Variants in CRISP1 observed in about 807,000 individuals in gnomAD.
CRISP1 encodes cysteine rich secretory protein 1, also known as cysteine-rich secretory protein 1.
A neutral mutation model predicts 33.1 loss-of-function variants in CRISP1; 44 were observed. That is an observed-to-expected ratio of 1.33 (90% confidence interval 1.05 to 1.71). CRISP1 has a LOEUF of 1.71. Ranked by LOEUF, CRISP1 falls within the 40% of genes most tolerant of loss-of-function variation. The pLI is 0.00. For synonymous variants in CRISP1, 103 were observed against 98.7 expected, an observed-to-expected ratio of 1.04 and a Z score of -0.26; for missense variants, 390 against 301.2, an observed-to-expected ratio of 1.29 and a Z score of -2.18.
intron 2 of CRISP1, among the ~76,000 whole-genome samples, chr6:49,854,991 G>T (rs575243537): frequency 6.6e-6 from 1 of 152,218 alleles, no homozygotes; most frequent in East Asian, 1.9e-4. Context: ...TCCCTGACAA[G>T]CTCAATTTGC....
At chr6:49,848,460 A>G (rs537769831) in intron 3 of CRISP1, among the ~76,000 whole-genome samples, 161 bp from the exon 4 acceptor site, 1 of 152,310 alleles carries the variant, frequency 6.6e-6, no homozygotes, top group African/African-American at 2.4e-5. Flanking sequence ...AAAGAGAAAG[A>G]CAACAATTTC....
At chr6:49,855,687 T>C (rs1453912872) in intron 2 of CRISP1, among the ~76,000 whole-genome samples, 1 of 152,174 alleles carries the variant, frequency 6.6e-6, no homozygotes, top group Non-Finnish European at 1.5e-5. Flanking sequence ...TCTACCAGAT[T>C]GTCATGGAAA....
At chr6:49,870,670 C>T (rs1771901850), upstream of CRISP1, among the ~76,000 whole-genome samples, 1 of 152,036 alleles carries the variant, frequency 6.6e-6, no homozygotes, top group Non-Finnish European at 1.5e-5. Context: ...TGAGACTCAC[C>T]CAAATTTACT....
At chr6:49,871,548 C>T (rs567377907) in intron 1 of CRISP1, among the ~76,000 whole-genome samples, 1 of 99,074 alleles carries the variant, frequency 1.0e-5, no homozygotes, top group Admixed American at 1.4e-4. Context: ...ATCCCTCCCC[C>T]CTCCCCCCGC....
chr6:49,872,536 C>A (rs1392501745), intron 1 of CRISP1, among the ~76,000 whole-genome samples: 17 of 152,026 alleles, frequency 1.1e-4, no homozygotes, highest in Non-Finnish European at 4.4e-5. Flanking sequence ...GGTTTTAGGT[C>A]TAACATTTGA....
chr6:49,851,166 T>C (rs931689086), intron 3 of CRISP1, among the ~76,000 whole-genome samples: 1 of 152,148 alleles, frequency 6.6e-6, no homozygotes, highest in African/African-American at 2.4e-5. Context: ...AAGAGATAAA[T>C]CTCAAAATCA....
At chr6:49,869,355 C>T (rs1377623867), upstream of CRISP1, among the ~76,000 whole-genome samples, 3 of 152,092 alleles carry the variant, frequency 2.0e-5, no homozygotes, top group Non-Finnish European at 2.9e-5. Flanking sequence ...AGTCACCTAC[C>T]CCTGAGCAAA....
At chr6:49,865,055 G>A (rs906636512) in intron 1 of CRISP1, among the ~76,000 whole-genome samples, 6 of 152,046 alleles carry the variant, frequency 3.9e-5, no homozygotes, top group Admixed American at 3.9e-4. Context: ...AAAAATATTG[G>A]AGAACAAAGC....
At chr6:49,864,963 G>A (rs1166050706) in intron 1 of CRISP1, among the ~76,000 whole-genome samples, 3 of 152,030 alleles carry the variant, frequency 2.0e-5, no homozygotes, top group Non-Finnish European at 4.4e-5. Context: ...TGGCATGTGT[G>A]TGTTCTATTT....
chr6:49,871,424 G>A (rs879465666), upstream of CRISP1, among the ~76,000 whole-genome samples: 28 of 152,086 alleles, frequency 1.8e-4, no homozygotes, highest in Non-Finnish European at 3.4e-4. Context: ...TAAACTCAGC[G>A]AAAGTCAAAG....
upstream of CRISP1, among the ~76,000 whole-genome samples, chr6:49,870,904 C>T (rs1771906720): frequency 6.6e-6 from 1 of 152,024 alleles, no homozygotes. Flanking sequence ...TGAGACCAGC[C>T]TGGCCAATCA....
At chr6:49,864,461 G>A (rs555622597) in intron 1 of CRISP1, among the ~76,000 whole-genome samples, 2 of 150,502 alleles carry the variant, frequency 1.3e-5, no homozygotes, top group East Asian at 3.9e-4. Flanking sequence ...TGGGATTATT[G>A]GGCTGTATGG....
At position 49,835,107 on chromosome 6, in the gene CRISP1, G is replaced by A. The variant is rs1473294096; in HGVS notation, c.*209C>T. 1 of 428,142 alleles carries A rather than the reference G, an allele frequency of 2.3e-6. No individual in the cohort carries two copies. The highest frequency in any genetic ancestry group is 4.1e-6 in the Non-Finnish European group (1 of 243,726). 26.5% of individuals were successfully genotyped at this position (428,142 alleles called of 1,614,324 possible). On this transcript the variant is annotated 3_prime_UTR_variant, in exon 8 of 8. Transcript: ENST00000335847. ...ATAAATCACATGATTTAAATTTAAG[G>A]CAGGTGTTGGACTTGACCTTTTACT...
intron 5 of CRISP1, among the ~76,000 whole-genome samples, chr6:49,844,465 A>T (rs1455798925): frequency 6.6e-6 from 1 of 152,154 alleles, no homozygotes; most frequent in African/African-American, 2.4e-5. Context: ...AGGTCCAGGG[A>T]GCAAGGCTGC....
upstream of CRISP1, among the ~76,000 whole-genome samples, chr6:49,869,319 G>A (rs954120799): frequency 2.6e-5 from 4 of 152,138 alleles, no homozygotes; most frequent in African/African-American, 9.7e-5. Context: ...TTTCCACAGG[G>A]CTTCTGATTA....
chr6:49,840,823 C>CA (rs1179201141), intron 6 of CRISP1, 75 bp downstream of exon 6: 9 of 1,195,172 alleles, frequency 7.5e-6, no homozygotes, highest in African/African-American at 3.1e-5. Flanking sequence ...TTTATGCACA[C>CA]AAAAAAACAA....
At chr6:49,843,627 A>G (rs1239255218) in intron 5 of CRISP1, among the ~76,000 whole-genome samples, 1 of 152,212 alleles carries the variant, frequency 6.6e-6, no homozygotes. Flanking sequence ...ATATTTTGTT[A>G]TGGTAGACTG....
rs1165397311 is a variant in CRISP1, at chr6:49,835,101, T to C, written c.*215A>G. On this transcript the variant is annotated 3_prime_UTR_variant, in exon 8 of 8. Transcript: ENST00000335847. ...AAAACTATAAATCACATGATTTAAA[T>C]TTAAGGCAGGTGTTGGACTTGACCT... 1 of 420,462 alleles carries C rather than the reference T, an allele frequency of 2.4e-6. No individual in the cohort carries two copies. The highest frequency in any genetic ancestry group is 2.0e-5 in the African/African-American group (1 of 48,880). The allele number at this position is 420,462 out of a possible 1,614,324, so 26.0% of individuals were successfully genotyped here. A position where few individuals can be genotyped will look rare whatever the true frequency, so the allele number is the denominator to read the frequency against.
chr6:49,835,317 T>A lies in CRISP1; in HGVS notation c.749A>T (p.Ter250LeuextTer11). ...AGAACAGTTGAAAATAACAAAGACC[T>A]ATTTTATCTCAGTGTCACACAGACA... ...ATCLCDTEIK* is the reference protein window; with the variant it reads ...ATCLCDTEIKL Residue 250 changes from the stop codon to leucine, a stop_lost, in exon 8 of 8, where the codon TAG becomes TTG. Transcript: ENST00000335847. The A allele has an allele frequency of 1.9e-6, 3 of 1,613,450 alleles. No individual in the cohort carries two copies. Among genetic ancestry groups the A allele is most frequent in the Non-Finnish European group, 2.5e-6 (3 of 1,179,710 alleles).
Sources: gnomAD v4.1 joint callset for allele counts (sites outside exome capture counted in the v4.1 genomes callset) on GRCh38, gnomAD v4.1.1 for gene constraint, MANE v1.5 for transcripts, NCBI Gene and HGNC (gene_info 2026-07-23, HGNC 2026-07-21) for gene names.